The following SNRPC variants were observed in gnomAD, a reference collection of about 807,000 sequenced individuals.
The protein encoded by SNRPC is small nuclear ribonucleoprotein polypeptide C.
Under a neutral mutation model 20.0 loss-of-function variants are expected in SNRPC, and 5 were observed. The ratio of observed to expected loss-of-function variants is 0.25; its 90% CI spans 0.13 to 0.53. The LOEUF (loss-of-function observed/expected upper bound fraction) is 0.53. Among genes scored for constraint, SNRPC ranks in the 20% least tolerant of loss-of-function variants. The pLI is 0.96. For synonymous variants in SNRPC, 61 were observed against 58.7 expected, an observed-to-expected ratio of 1.04 and a Z score of -0.18; for missense variants, 112 against 224.1, an observed-to-expected ratio of 0.50 and a Z score of 3.19.
chr6:34,766,520 G>GTTTTT (rs1374269486), intron 3 of SNRPC, among the ~76,000 whole-genome samples: 1 of 152,138 alleles, frequency 6.6e-6, no homozygotes, highest in Non-Finnish European at 1.5e-5. Flanking sequence ...TTTTGTTTTT[G>GTTTTT]TTTTAAGGCT....
At chr6:34,758,309 T>A (rs957980813) in intron 2 of SNRPC, among the ~76,000 whole-genome samples, 31 of 152,130 alleles carry the variant, frequency 2.0e-4, no homozygotes, top group Middle Eastern at 3.4e-3. Flanking sequence ...AAGCAGAATG[T>A]TTTGTTAGTA....
At position 34,767,766 on chromosome 6, in the gene SNRPC, A is replaced by G. The variant is rs1004525937; in HGVS notation, c.161-142A>G. On this transcript the variant is annotated intron_variant, in intron 3 of 5. Transcript: ENST00000244520. ...AAAATGATTTTAAAACTGTAGAACCATGATGTAATAATTTTAGATGACAAC... is the reference window on the plus strand; with the variant it reads ...AAAATGATTTTAAAACTGTAGAACCGTGATGTAATAATTTTAGATGACAAC... 2.7e-5 allele frequency: 22 copies of G among 800,964 alleles called. No individual in the cohort carries two copies. The South Asian group carries it at 5.6e-4, about 20-fold the overall frequency. 49.6% of individuals were successfully genotyped at this position (800,964 alleles called of 1,614,324 possible). A position where few individuals can be genotyped will look rare whatever the true frequency, so the allele number is the denominator to read the frequency against.
chr6:34,764,484 A>AC (rs1162523809), intron 3 of SNRPC, among the ~76,000 whole-genome samples: 2 of 150,662 alleles, frequency 1.3e-5, no homozygotes, highest in Non-Finnish European at 3.0e-5. Context: ...CTCAAAAACA[A>AC]ACAAAAAAAA....
intron 5 of SNRPC, among the ~76,000 whole-genome samples, chr6:34,772,342 C>T (rs1269349385): frequency 1.3e-5 from 2 of 152,152 alleles, no homozygotes; most frequent in African/African-American, 4.8e-5. Context: ...CTAAAGAAAA[C>T]GAGTTTCCAG....
intron 2 of SNRPC, among the ~76,000 whole-genome samples, chr6:34,760,678 C>T (rs868781254): frequency 2.0e-5 from 3 of 151,926 alleles, no homozygotes; most frequent in Non-Finnish European, 4.4e-5. Flanking sequence ...ACCCTTGTTC[C>T]TTCTAAAATG....
intron 2 of SNRPC, among the ~76,000 whole-genome samples, chr6:34,761,056 C>CA (rs1764528442): frequency 1.4e-5 from 2 of 147,132 alleles, no homozygotes. Context: ...TCAAAAAAAA[C>CA]CAAAAAAAAA....
Position 34,767,918 on chromosome 6 carries a change from T to C in SNRPC, c.171T>C (p.Phe57=). 2.5e-6 allele frequency: 4 copies of C among 1,597,498 alleles called. No individual in the cohort carries two copies. Among genetic ancestry groups the C allele is most frequent in the Non-Finnish European group, 3.4e-6 (4 of 1,173,886 alleles). The change falls in exon 4 of 6, where the codon TTT becomes TTC. Residue 57 remains phenylalanine, a synonymous_variant. Transcript: ENST00000244520. ...QSLIDKTTAA[F]QQGKIPPTPF... Reference sequence around the variant, plus strand: ...CCTCACCCTCCAAAGCGGCTGCATTTCAACAAGGAAAGATACCTCCTACTC... The same window carrying C: ...CCTCACCCTCCAAAGCGGCTGCATTCCAACAAGGAAAGATACCTCCTACTC...
chr6:34,758,073 C>T, intron 2 of SNRPC, 119 bp downstream of exon 2: 4 of 1,058,442 alleles, frequency 3.8e-6, no homozygotes, highest in Non-Finnish European at 5.5e-6. Flanking sequence ...AAGGTCTACT[C>T]CTTGAAGAAA....
intron 2 of SNRPC, 89 bp from the exon 3 acceptor site, chr6:34,762,506 A>G: frequency 4.4e-6 from 3 of 677,012 alleles, no homozygotes; most frequent in Non-Finnish European, 8.0e-6. Context: ...CTGATACTAG[A>G]CACGCTACTT....
intron 2 of SNRPC, among the ~76,000 whole-genome samples, chr6:34,761,357 T>C (rs904839302): frequency 3.3e-5 from 5 of 151,914 alleles, no homozygotes; most frequent in African/African-American, 9.7e-5. Context: ...AGGGTGGTCT[T>C]GAACTCCTGA....
At chr6:34,761,014 C>T (rs1764527978) in intron 2 of SNRPC, among the ~76,000 whole-genome samples, 3 of 150,974 alleles carry the variant, frequency 2.0e-5, no homozygotes, top group African/African-American at 7.3e-5. Flanking sequence ...TGCCACTGCA[C>T]TCCAGCCTGG....
chr6:34,768,851 T>G (rs1764649685), intron 4 of SNRPC, among the ~76,000 whole-genome samples: 1 of 152,132 alleles, frequency 6.6e-6, no homozygotes, highest in African/African-American at 2.4e-5. Context: ...GAAAGTTTGT[T>G]GTTTCTGTGT....
chr6:34,771,188 G>A (rs1764685811), intron 5 of SNRPC, among the ~76,000 whole-genome samples: 1 of 152,018 alleles, frequency 6.6e-6, no homozygotes, highest in Non-Finnish European at 1.5e-5. Flanking sequence ...AATTAGCCAG[G>A]TGTGGTGGCA....
At chr6:34,766,012 A>T (rs1436733910) in intron 3 of SNRPC, among the ~76,000 whole-genome samples, 1 of 151,874 alleles carries the variant, frequency 6.6e-6, no homozygotes. Context: ...AAGTGTTGGG[A>T]TTATAGGCAT....
intron 3 of SNRPC, among the ~76,000 whole-genome samples, chr6:34,765,032 T>C (rs1286843456): frequency 6.6e-6 from 1 of 151,922 alleles, no homozygotes; most frequent in East Asian, 1.9e-4. Context: ...AAAAAAAAAC[T>C]AGACAAGCTT....
At chr6:34,767,011 G>C (rs1237331616) in intron 3 of SNRPC, among the ~76,000 whole-genome samples, 1 of 151,754 alleles carries the variant, frequency 6.6e-6, no homozygotes, top group East Asian at 1.9e-4. Flanking sequence ...GTTTTCTCTT[G>C]TGCTTCATCT....
rs1764475934 is a variant in SNRPC at position 34,757,939 on chromosome 6, C to T, written c.36C>T (p.Tyr12=). 3 of 1,613,038 alleles carry T rather than the reference C, an allele frequency of 1.9e-6. No homozygotes were observed. The highest frequency in any genetic ancestry group is 2.2e-5 in the East Asian group (1 of 44,898). The stretch of plus-strand genomic sequence containing the variant: ...TTTATTGTGACTACTGCGATACATA[C>T]CTCACCCATGACTCTGTAAGTGGCA... The part of the protein sequence containing the change: ...PKFYCDYCDT[Y]LTHDSPSVRK... Residue 12 remains tyrosine, a synonymous_variant, in exon 2 of 6, where the codon TAC becomes TAT. Coordinates refer to ENST00000244520, the MANE Select transcript of SNRPC (RefSeq NM_003093.3).
intron 3 of SNRPC, among the ~76,000 whole-genome samples, chr6:34,762,978 A>G (rs1315058174): frequency 6.6e-6 from 1 of 152,256 alleles, no homozygotes; most frequent in East Asian, 1.9e-4. Flanking sequence ...CTATTGGCAC[A>G]GACGAGATTT....
intron 4 of SNRPC, among the ~76,000 whole-genome samples, chr6:34,768,785 G>T (rs1395149636): frequency 6.6e-6 from 1 of 151,610 alleles, no homozygotes; most frequent in South Asian, 2.1e-4. Context: ...AGAAAAGAAG[G>T]AAAGGTAAGA....
Sources: gnomAD v4.1 joint callset for allele counts (sites outside exome capture counted in the v4.1 genomes callset) on GRCh38, gnomAD v4.1.1 for gene constraint, MANE v1.5 for transcripts, NCBI Gene and HGNC (gene_info 2026-07-23, HGNC 2026-07-21) for gene names.